The following ZNF766 variants were observed in gnomAD, a reference collection of about 807,000 sequenced individuals.
The protein encoded by ZNF766 is zinc finger protein 766.
In ZNF766, 13 loss-of-function variants were observed where a neutral mutation model predicts 13.2. The ratio of observed to expected loss-of-function variants is 0.98; its 90% CI spans 0.64 to 1.56. ZNF766 has a LOEUF of 1.56. Among genes scored for constraint, ZNF766 ranks in the 40% most tolerant of loss-of-function variants. ZNF766 has a pLI of 0.00. For synonymous variants in ZNF766, 178 were observed against 187.6 expected (o/e 0.95, Z 0.42); for missense variants, 521 against 552.2 (o/e 0.94, Z 0.57).
chr19:52,290,000 CA>C, intron 3 of ZNF766, 65 bp from the exon 4 acceptor site: 1 of 1,510,386 alleles, frequency 6.6e-7, no homozygotes, highest in Non-Finnish European at 8.9e-7. Flanking sequence ...GACTCCAACT[CA>C]AAAAAAGTGC....
intron 3 of ZNF766, among the ~76,000 whole-genome samples, chr19:52,283,856 A>G (rs1377631918): frequency 1.3e-5 from 2 of 151,934 alleles, no homozygotes; most frequent in African/African-American, 2.4e-5. Context: ...CCCTGCCTCA[A>G]CCTCCCAAGT....
intron 1 of ZNF766, 153 bp from the exon 2 acceptor site, chr19:52,281,958 C>A: frequency 1.1e-6 from 1 of 875,554 alleles, no homozygotes; most frequent in Non-Finnish European, 1.8e-6. Flanking sequence ...CAATCACAGA[C>A]ACATAACTAG....
At chr19:52,269,662 C>A (rs773966917) in intron 1 of ZNF766, 31 bp downstream of exon 1, 1 of 1,611,888 alleles carries the variant, frequency 6.2e-7, no homozygotes, top group South Asian at 1.1e-5. Context: ...ATTAAGTGTT[C>A]GCTTAGCGGT....
chr19:52,286,540 T>C (rs952997455), intron 3 of ZNF766, among the ~76,000 whole-genome samples: 2 of 152,262 alleles, frequency 1.3e-5, no homozygotes, highest in Non-Finnish European at 2.9e-5. Context: ...CCTTCCAAAG[T>C]GCTAGGATTA....
chr19:52,273,298 A>G (rs1013961575), intron 1 of ZNF766, among the ~76,000 whole-genome samples: 42 of 152,204 alleles, frequency 2.8e-4, no homozygotes, highest in African/African-American at 9.4e-4. Context: ...ATGAGCCACC[A>G]TGCCCAGCCT....
chr19:52,288,542 T>G (rs1981946620), intron 3 of ZNF766, among the ~76,000 whole-genome samples: 1 of 151,986 alleles, frequency 6.6e-6, no homozygotes, highest in Non-Finnish European at 1.5e-5. Context: ...TAATTAAAAC[T>G]AATTTATTTT....
chr19:52,292,268 T>G lies in ZNF766; in HGVS notation c.*1070T>G. On this transcript the variant is annotated 3_prime_UTR_variant, in exon 4 of 4. Transcript: ENST00000439461. ...GACACTGCCTTTTCAGATTAAAGAT[T>G]GTCTGATTTAGAGACCATGGAGGTG... 2.9e-6 allele frequency: 2 copies of G among 688,908 alleles called. No individual in the cohort carries two copies. Among genetic ancestry groups the G allele is most frequent in the South Asian group, 3.1e-5 (2 of 65,094 alleles). 42.7% of individuals were successfully genotyped at this position (688,908 alleles called of 1,614,324 possible). A position where few individuals can be genotyped will look rare whatever the true frequency, so the allele number is the denominator to read the frequency against.
rs570663082 is a variant in ZNF766, at chr19:52,287,002, A to G, written c.275-3064A>G. On this transcript the variant is annotated intron_variant, in intron 3 of 3. Transcript: ENST00000439461. ...AGGCACCTGCCACCATGCCCGGATA[A>G]CTTTTATATTTTAATAGAGACAGTG... Among the ~76,000 whole-genome samples the G allele has an allele frequency of 4.6e-5, 7 of 151,912 alleles. No homozygotes were observed. The East Asian group carries it at 1.4e-3, about 30-fold the overall frequency.
At chr19:52,283,996 A>G (rs553929772) in intron 3 of ZNF766, among the ~76,000 whole-genome samples, 18 of 152,356 alleles carry the variant, frequency 1.2e-4, no homozygotes, top group South Asian at 2.1e-4. Context: ...TTGGCCTCCG[A>G]AAGTGCTGGG....
At chr19:52,275,145 C>A (rs1003852983) in intron 1 of ZNF766, among the ~76,000 whole-genome samples, 4 of 152,118 alleles carry the variant, frequency 2.6e-5, no homozygotes, top group Non-Finnish European at 5.9e-5. Flanking sequence ...ACCATTGTTA[C>A]CATAGGAGGA....
In ZNF766 at chr19:52,276,193, T is replaced by C. The variant is rs1239407566; in HGVS notation, c.19-5918T>C. Reference sequence around the variant, plus strand: ...CTGAAAATGCGTTTCTCAGAACATGTCCCTGTTATTAAGCGATGCGTGACT... The same window carrying C: ...CTGAAAATGCGTTTCTCAGAACATGCCCCTGTTATTAAGCGATGCGTGACT... On this transcript the variant is annotated intron_variant, in intron 1 of 3. Coordinates refer to ENST00000439461, the MANE Select transcript of ZNF766 (RefSeq NM_001010851.3). Among the ~76,000 whole-genome samples, 9 of 152,306 alleles carry C rather than the reference T, an allele frequency of 5.9e-5. No individual in the cohort carries two copies. In the East Asian group the frequency reaches 1.2e-3, roughly 20 times the overall value.
Position 52,292,148 on chromosome 19 carries a change from G to A in ZNF766, c.*950G>A, listed in dbSNP as rs1323843078. 1.4e-6 allele frequency: 1 copy of A among 702,800 alleles called. No homozygotes were observed. The highest frequency in any genetic ancestry group is 2.0e-5 in the Admixed American group (1 of 49,984). The allele number at this position is 702,800 out of a possible 1,614,324, so 43.5% of individuals were successfully genotyped here. On this transcript the variant is annotated 3_prime_UTR_variant, in exon 4 of 4. Coordinates refer to ENST00000439461, the MANE Select transcript of ZNF766 (RefSeq NM_001010851.3). ...AATTTCTTCATGTGCCTTCCCTACA[G>A]GCCTTTCACTGTGGTCTGGGAAAGA...
chr19:52,287,619 T>G (rs1050980848), intron 3 of ZNF766, among the ~76,000 whole-genome samples: 2 of 152,222 alleles, frequency 1.3e-5, no homozygotes, highest in East Asian at 3.8e-4. Context: ...CATTGCTGTT[T>G]TAGTTGGTAG....
chr19:52,295,714 A>G lies in ZNF766; in HGVS notation c.*4516A>G, dbSNP rs546457812. The G allele has an allele frequency of 6.6e-6, 1 of 152,008 alleles. No individual in the cohort carries two copies. Among genetic ancestry groups the G allele is most frequent in the South Asian group, 2.1e-4 (1 of 4,824 alleles). The allele number at this position is 152,008 out of a possible 1,614,324, so 9.4% of individuals were successfully genotyped here. ...CCAACCCTTTATCTTTATTTTATTT[A>G]TTTATTTTATTATTTATTTTTTTGA... On this transcript the variant is annotated 3_prime_UTR_variant, in exon 4 of 4. Coordinates refer to ENST00000439461, the MANE Select transcript of ZNF766 (RefSeq NM_001010851.3).
chr19:52,289,153 G>GTTT lies in ZNF766; in HGVS notation c.275-900_275-898dup, dbSNP rs61647050. 4.2e-3 allele frequency among the ~76,000 whole-genome samples: 558 copies of GTTT among 133,470 alleles called. 11 individuals carry two copies. The highest frequency in any genetic ancestry group is 0.032 in the East Asian group (144 of 4,532). The allele number at this position is 133,470 out of a possible 152,430, so 87.6% of individuals were successfully genotyped here. On this transcript the variant is annotated intron_variant, in intron 3 of 3. Coordinates refer to ENST00000439461, the MANE Select transcript of ZNF766 (RefSeq NM_001010851.3). ...TTACAGGCGTGAGCCACCGCATGTG[G>GTTT]TTTTTTTTTTTTTTTGAAACGGATT...
intron 1 of ZNF766, among the ~76,000 whole-genome samples, chr19:52,272,526 G>A (rs1416316976): frequency 6.6e-6 from 1 of 152,120 alleles, no homozygotes; most frequent in East Asian, 1.9e-4. Context: ...GAGTGCAGTG[G>A]TGCAATCATA....
At chr19:52,285,729 G>A (rs967609483) in intron 3 of ZNF766, among the ~76,000 whole-genome samples, 5 of 152,154 alleles carry the variant, frequency 3.3e-5, no homozygotes, top group Admixed American at 1.3e-4. Context: ...TATACAGCAG[G>A]AACCTCTCTG....
At chr19:52,286,381 C>A (rs893196890) in intron 3 of ZNF766, among the ~76,000 whole-genome samples, 1 of 147,456 alleles carries the variant, frequency 6.8e-6, no homozygotes, top group Non-Finnish European at 1.5e-5. Context: ...GACCTTGGCT[C>A]ACTGCAGCCT....
intron 1 of ZNF766, among the ~76,000 whole-genome samples, chr19:52,280,880 G>A (rs62110404): frequency 0.054 from 8,181 of 150,120 alleles, 365 homozygotes; most frequent in African/African-American, 0.11. Context: ...ACTTTTGGCC[G>A]TGCGTGATGG....
Sources: gnomAD v4.1 joint callset for allele counts (sites outside exome capture counted in the v4.1 genomes callset) on GRCh38, gnomAD v4.1.1 for gene constraint, MANE v1.5 for transcripts, NCBI Gene and HGNC (gene_info 2026-07-23, HGNC 2026-07-21) for gene names.